The following ABCG2 variants were observed in gnomAD, a reference collection of about 807,000 sequenced individuals.
The protein encoded by ABCG2 is broad substrate specificity ATP-binding cassette transporter ABCG2.
Under a neutral mutation model 73.5 loss-of-function variants are expected in ABCG2, and 80 were observed. The observed-to-expected ratio is 1.09, with a 90% CI of 0.91 to 1.31. ABCG2 has a LOEUF of 1.31. Ranked by LOEUF, ABCG2 falls within the 50% of genes most tolerant of loss-of-function variation. ABCG2 has a pLI of 0.00. For synonymous variants in ABCG2, 269 were observed against 282.4 expected (o/e 0.95, Z 0.48); for missense variants, 796 against 786.2 (o/e 1.01, Z -0.15).
intron 2 of ABCG2, among the ~76,000 whole-genome samples, chr4:88,136,865 A>T (rs1269347728): frequency 6.6e-6 from 1 of 151,844 alleles, no homozygotes; most frequent in Non-Finnish European, 1.5e-5. Context: ...AGATACAAAA[A>T]ATTAGCTGGG....
At position 88,111,299 on chromosome 4, in the gene ABCG2, T is replaced by C. The variant is rs147693758; in HGVS notation, c.1194+2004A>G. Among the ~76,000 whole-genome samples the C allele has an allele frequency of 2.0e-3, 308 of 152,364 alleles. 3 individuals are homozygous for C. Among genetic ancestry groups the C allele is most frequent in the East Asian group, 0.01 (54 of 5,192 alleles). ...ACCCAGGTTGATCCTACCAGACTGA[T>C]TTCCAAATGATATCAAATCTATGCT... On this transcript the variant is annotated intron_variant, in intron 9 of 15. Transcript: ENST00000237612.
chr4:88,195,933 A>G (rs1286751474), intron 1 of ABCG2, among the ~76,000 whole-genome samples: 1 of 152,210 alleles, frequency 6.6e-6, no homozygotes, highest in Admixed American at 6.5e-5. Context: ...TTTGCCTCTT[A>G]GTGCATGTGC....
chr4:88,229,231 T>G (rs1730356976), intron 1 of ABCG2, among the ~76,000 whole-genome samples: 1 of 152,242 alleles, frequency 6.6e-6, no homozygotes, highest in South Asian at 2.1e-4. Context: ...GAACCAACTC[T>G]GGACACAGTT....
chr4:88,162,726 C>T (rs1045574201), upstream of ABCG2, among the ~76,000 whole-genome samples: 1 of 152,164 alleles, frequency 6.6e-6, no homozygotes. Context: ...AAAGGACCTT[C>T]CTCATTAGGT....
chr4:88,161,216 A>G (rs1246395235), upstream of ABCG2, among the ~76,000 whole-genome samples: 1 of 133,806 alleles, frequency 7.5e-6, no homozygotes. Context: ...ACATGTGCAC[A>G]TTGTGCAGGT....
chr4:88,221,310 G>C (rs897232600), intron 1 of ABCG2, among the ~76,000 whole-genome samples: 1 of 152,022 alleles, frequency 6.6e-6, no homozygotes, highest in Non-Finnish European at 1.5e-5. Flanking sequence ...ACTCAGTCTC[G>C]GGTATTTTTT....
intron 1 of ABCG2, among the ~76,000 whole-genome samples, chr4:88,202,186 T>G (rs1479104033): frequency 3.3e-5 from 5 of 151,246 alleles, no homozygotes; most frequent in Non-Finnish European, 7.4e-5. Context: ...TAAAGTCCCA[T>G]AATGCCCCAT....
At position 88,094,555 on chromosome 4, in the gene ABCG2, T is replaced by C. The variant is rs771083529; in HGVS notation, c.1820+22A>G. Reference sequence around the variant, plus strand: ...CACCATGGTAGTAACAAAACCCATTTTGACACTGAACAAAAACTTACGTTG... The same window carrying C: ...CACCATGGTAGTAACAAAACCCATTCTGACACTGAACAAAAACTTACGTTG... On this transcript the variant is annotated intron_variant, in intron 15 of 15. Transcript: ENST00000237612. 1.4e-5 allele frequency: 22 copies of C among 1,599,710 alleles called. No homozygotes were observed. The Admixed American group carries it at 2.5e-4, about 18-fold the overall frequency.
At chr4:88,212,436 C>T (rs138069719) in intron 1 of ABCG2, among the ~76,000 whole-genome samples, 4 of 152,220 alleles carry the variant, frequency 2.6e-5, no homozygotes, top group East Asian at 1.9e-4. Flanking sequence ...TCAGTATCTC[C>T]GAAAACGATC....
At chr4:88,203,106 A>G (rs1300168661) in intron 1 of ABCG2, among the ~76,000 whole-genome samples, 2 of 152,202 alleles carry the variant, frequency 1.3e-5, no homozygotes, top group Non-Finnish European at 2.9e-5. Context: ...TGTTCAGCAC[A>G]ATGCCAGTTT....
At chr4:88,227,731 G>A (rs1730281316) in intron 1 of ABCG2, among the ~76,000 whole-genome samples, 1 of 152,186 alleles carries the variant, frequency 6.6e-6, no homozygotes, top group African/African-American at 2.4e-5. Context: ...CCTTAATGGA[G>A]ACAAAGCTTA....
intron 6 of ABCG2, among the ~76,000 whole-genome samples, chr4:88,119,663 GT>G (rs1723827171): frequency 6.6e-6 from 1 of 152,200 alleles, no homozygotes; most frequent in Non-Finnish European, 1.5e-5. Context: ...CTAGAGATCT[GT>G]GGAACTATGA....
At chr4:88,108,879 A>G (rs1722935171) in intron 9 of ABCG2, among the ~76,000 whole-genome samples, 1 of 152,246 alleles carries the variant, frequency 6.6e-6, no homozygotes, top group Non-Finnish European at 1.5e-5. Context: ...CCCTCAGAAT[A>G]TACTTCAACA....
At chr4:88,142,502 A>T (rs1725712745) in intron 1 of ABCG2, among the ~76,000 whole-genome samples, 1 of 152,200 alleles carries the variant, frequency 6.6e-6, no homozygotes. Flanking sequence ...TTCAAGGTAC[A>T]TGGCTGGGTT....
chr4:88,104,089 C>T (rs76979899), intron 10 of ABCG2, among the ~76,000 whole-genome samples: 12,232 of 152,240 alleles, frequency 0.08, 731 homozygotes, highest in East Asian at 0.26. Context: ...GATCTGAATA[C>T]TGTTTTTAAA....
At chr4:88,222,517 A>AT (rs1342748130) in intron 1 of ABCG2, among the ~76,000 whole-genome samples, 1 of 152,182 alleles carries the variant, frequency 6.6e-6, no homozygotes, top group Non-Finnish European at 1.5e-5. Flanking sequence ...GCCTGCCACC[A>AT]TCCACATAAG....
chr4:88,216,538 C>T (rs1418071057), intron 1 of ABCG2, among the ~76,000 whole-genome samples: 1 of 152,154 alleles, frequency 6.6e-6, no homozygotes, highest in Admixed American at 6.5e-5. Context: ...GGTTTTCCCT[C>T]ACCAAGGCTG....
chr4:88,185,332 C>T (rs1043495918), intron 1 of ABCG2, among the ~76,000 whole-genome samples: 8 of 152,200 alleles, frequency 5.3e-5, no homozygotes, highest in African/African-American at 1.9e-4. Context: ...CCACTGCACT[C>T]CAGCCTGGAC....
intron 1 of ABCG2, among the ~76,000 whole-genome samples, chr4:88,198,360 T>C (rs953854984): frequency 6.6e-6 from 1 of 151,896 alleles, no homozygotes; most frequent in Non-Finnish European, 1.5e-5. Flanking sequence ...AAGCTGGGCA[T>C]GATGGCTCAC....
Sources: allele counts gnomAD v4.1 joint callset (sites outside exome capture counted in the v4.1 genomes callset), GRCh38; gene constraint gnomAD v4.1.1; transcripts MANE v1.5; gene names NCBI Gene and HGNC (gene_info 2026-07-23, HGNC 2026-07-21).